The following FCHO2 variants were observed in gnomAD, a reference collection of about 807,000 sequenced individuals.
FCHO2 encodes FCH and mu domain containing endocytic adaptor 2.
FCHO2 carries 43 observed loss-of-function variants against 114.1 expected under a neutral mutation model. The ratio of observed to expected loss-of-function variants is 0.38; its 90% CI spans 0.30 to 0.49. The LOEUF is 0.49. Ranked by LOEUF, FCHO2 falls within the 20% of genes least tolerant of loss-of-function variation. FCHO2 has a pLI of 0.97. For synonymous variants in FCHO2, 293 were observed against 315.2 expected (o/e 0.93, Z 0.75); for missense variants, 807 against 950.4 (o/e 0.85, Z 1.98).
At chr5:73,050,294 C>CTATCTATCTATT (rs550283829) in intron 11 of FCHO2, among the ~76,000 whole-genome samples, 47 of 123,584 alleles carry the variant, frequency 3.8e-4, no homozygotes, top group African/African-American at 1.2e-3. Context: ...TAGCTTTCTG[C>CTATCTATCTATT]TATTTATTTA....
intron 3 of FCHO2, 142 bp downstream of exon 3, chr5:72,989,643 T>C: frequency 5.2e-6 from 3 of 578,930 alleles, no homozygotes; most frequent in Non-Finnish European, 8.9e-6. Context: ...TAATATATTC[T>C]TCACTTGATA....
intron 10 of FCHO2, among the ~76,000 whole-genome samples, chr5:73,039,954 AAAG>A (rs201720281): frequency 0.12 from 18,000 of 147,930 alleles, 1,271 homozygotes; most frequent in Middle Eastern, 0.18. Flanking sequence ...AAAAAAAAAA[AAAG>A]AAGAAGAAAG....
chr5:73,039,384 ACT>A (rs1756690612), intron 10 of FCHO2, among the ~76,000 whole-genome samples: 1 of 152,014 alleles, frequency 6.6e-6, no homozygotes, highest in Admixed American at 6.6e-5. Context: ...CAGAGAATAA[ACT>A]CTTTGGAACT....
chr5:73,011,430 C>G (rs913276514), intron 6 of FCHO2, among the ~76,000 whole-genome samples: 1 of 151,978 alleles, frequency 6.6e-6, no homozygotes, highest in Non-Finnish European at 1.5e-5. Flanking sequence ...TATCCTTACT[C>G]GATCAGCTTT....
At position 72,977,816 on chromosome 5, in the gene FCHO2, C is replaced by T. The variant is rs146307450; in HGVS notation, c.125+9227C>T. Among the ~76,000 whole-genome samples the T allele has an allele frequency of 3.6e-3, 543 of 152,260 alleles. 5 individuals are homozygous for T. The highest frequency in any genetic ancestry group is 0.013 in the African/African-American group (528 of 41,542). On this transcript the variant is annotated intron_variant, in intron 2 of 25. Transcript: ENST00000430046. ...TTTGTATAAGGTGTAAGGAAGGGGTCCAGTTTCAGTTTTCTGCATATGGTT... is the reference window on the plus strand; with the variant it reads ...TTTGTATAAGGTGTAAGGAAGGGGTTCAGTTTCAGTTTTCTGCATATGGTT...
intron 17 of FCHO2, among the ~76,000 whole-genome samples, chr5:73,060,167 T>C (rs1247436387): frequency 6.6e-6 from 1 of 151,970 alleles, no homozygotes; most frequent in East Asian, 1.9e-4. Flanking sequence ...AGGTAAAAAA[T>C]GGTTCGTTTT....
At chr5:72,982,046 A>C (rs1753241241) in intron 2 of FCHO2, among the ~76,000 whole-genome samples, 1 of 152,050 alleles carries the variant, frequency 6.6e-6, no homozygotes, top group Non-Finnish European at 1.5e-5. Context: ...TGGTGTAGGC[A>C]CCCGAGGGAA....
intron 5 of FCHO2, chr5:72,997,614 G>C (rs1409605357): frequency 4.2e-6 from 6 of 1,418,446 alleles, no homozygotes; most frequent in Non-Finnish European, 6.0e-6. Context: ...TCCGTGCTGA[G>C]CCGCAACCTT....
intron 2 of FCHO2, among the ~76,000 whole-genome samples, chr5:72,975,380 G>A (rs938910286): frequency 2.6e-5 from 4 of 152,206 alleles, no homozygotes; most frequent in Admixed American, 2.6e-4. Context: ...AGGCTGGAGT[G>A]CAGTGGCTCA....
chr5:73,057,927 C>G (rs372299335), intron 16 of FCHO2, among the ~76,000 whole-genome samples: 1 of 152,110 alleles, frequency 6.6e-6, no homozygotes, highest in South Asian at 2.1e-4. Context: ...TCTTAGGTTA[C>G]GCTTCTAACA....
intron 10 of FCHO2, among the ~76,000 whole-genome samples, chr5:73,038,591 G>C (rs773640005): frequency 1.9e-4 from 29 of 152,146 alleles, no homozygotes; most frequent in Non-Finnish European, 4.0e-4. Context: ...TAAGAGAACA[G>C]TTTGTGCTTT....
intron 1 of FCHO2, among the ~76,000 whole-genome samples, chr5:72,964,146 T>C (rs1379358082): frequency 2.0e-5 from 3 of 152,084 alleles, no homozygotes; most frequent in African/African-American, 7.2e-5. Flanking sequence ...AATTAACTAC[T>C]GTTTGCTTCT....
chr5:73,034,534 A>G lies in FCHO2; in HGVS notation c.797-123A>G, dbSNP rs1008216048. On this transcript the variant is annotated intron_variant, in intron 8 of 25. Coordinates refer to ENST00000430046, the MANE Select transcript of FCHO2 (RefSeq NM_138782.3). ...AGGTAACAACTAGAACCATTTCAGA[A>G]CAATTAAAAAGATGCGTTGTCAATT... 5.9e-6 allele frequency: 4 copies of G among 675,762 alleles called. No homozygotes were observed. In the African/African-American group the frequency reaches 7.5e-5, roughly 13 times the overall value. 41.9% of individuals were successfully genotyped at this position (675,762 alleles called of 1,614,324 possible). A position where few individuals can be genotyped will look rare whatever the true frequency, so the allele number is the denominator to read the frequency against.
intron 5 of FCHO2, among the ~76,000 whole-genome samples, chr5:73,001,835 A>G (rs1213693740): frequency 6.6e-6 from 1 of 151,538 alleles, no homozygotes; most frequent in Non-Finnish European, 1.5e-5. Flanking sequence ...GGTACTTGGG[A>G]GGCTAAAGTA....
rs898711681 is a variant in FCHO2 at position 73,089,084 on chromosome 5, C to T, written c.*994C>T. The T allele has an allele frequency of 1.3e-5, 2 of 152,434 alleles. No homozygotes were observed. The highest frequency in any genetic ancestry group is 2.9e-5 in the Non-Finnish European group (2 of 67,980). The allele number at this position is 152,434 out of a possible 1,614,324, so 9.4% of individuals were successfully genotyped here. A position where few individuals can be genotyped will look rare whatever the true frequency, so the allele number is the denominator to read the frequency against. ...TCACTTCTTTGGTGATACACTGTAG[C>T]CACTAGAAAGAGAAATAAACCCAAT... On this transcript the variant is annotated 3_prime_UTR_variant, in exon 26 of 26. Transcript: ENST00000430046.
intron 16 of FCHO2, among the ~76,000 whole-genome samples, chr5:73,058,030 G>A (rs750815971): frequency 2.6e-5 from 4 of 151,540 alleles, no homozygotes; most frequent in African/African-American, 7.3e-5. Context: ...TTTTTTTTAC[G>A]GACGGGGTCT....
At chr5:72,996,104 G>T (rs144120846) in intron 5 of FCHO2, among the ~76,000 whole-genome samples, 1 of 152,046 alleles carries the variant, frequency 6.6e-6, no homozygotes, top group Non-Finnish European at 1.5e-5. Flanking sequence ...TTAGCCGGGC[G>T]TGGTAGCGGG....
chr5:73,056,143 C>G, intron 16 of FCHO2, 36 bp downstream of exon 16: 1 of 1,473,550 alleles, frequency 6.8e-7, no homozygotes, highest in Non-Finnish European at 9.1e-7. Context: ...AAAAAATAGA[C>G]TTTATTTTTT....
chr5:73,054,264 A>T, intron 14 of FCHO2, 93 bp downstream of exon 14: 1 of 1,161,352 alleles, frequency 8.6e-7, no homozygotes, highest in Non-Finnish European at 1.2e-6. Context: ...TTAAATTTTT[A>T]GATTAGCAAG....
Sources: allele counts gnomAD v4.1 joint callset (sites outside exome capture counted in the v4.1 genomes callset), GRCh38; gene constraint gnomAD v4.1.1; transcripts MANE v1.5; gene names NCBI Gene and HGNC (gene_info 2026-07-23, HGNC 2026-07-21).